The following RSRC1 variants were observed in gnomAD, a reference collection of about 807,000 sequenced individuals.
The protein encoded by RSRC1 is serine/Arginine-related protein 53.
In RSRC1, 39 loss-of-function variants were observed where a neutral mutation model predicts 49.1. That is an observed-to-expected ratio of 0.79 (90% confidence interval 0.61 to 1.04). The LOEUF (loss-of-function observed/expected upper bound fraction) is 1.04, where lower values mean the gene tolerates loss of function less well. Among genes scored for constraint, RSRC1 ranks in the 50% least tolerant of loss-of-function variants. RSRC1 has a pLI of 0.00. For synonymous variants in RSRC1, 143 were observed against 130.8 expected (o/e 1.09, Z -0.63); for missense variants, 388 against 402.4 (o/e 0.96, Z 0.31).
intron 3 of RSRC1, among the ~76,000 whole-genome samples, chr3:158,173,387 T>A (rs914789932): frequency 6.6e-6 from 1 of 151,998 alleles, no homozygotes; most frequent in African/African-American, 2.4e-5. Context: ...TGAAATATAT[T>A]TATTTTTAAT....
chr3:158,433,072 T>C (rs1560040741), intron 6 of RSRC1, among the ~76,000 whole-genome samples: 1 of 151,908 alleles, frequency 6.6e-6, no homozygotes, highest in Admixed American at 6.6e-5. Flanking sequence ...AGAAAAAAGA[T>C]CACTTAAAAA....
At chr3:158,516,099 G>A (rs911841293) in intron 7 of RSRC1, among the ~76,000 whole-genome samples, 36 of 152,328 alleles carry the variant, frequency 2.4e-4, no homozygotes, top group African/African-American at 7.2e-4. Context: ...CTCTCAGCTC[G>A]TCAAAGTCAT....
intron 3 of RSRC1, among the ~76,000 whole-genome samples, chr3:158,132,556 A>T (rs1443328705): frequency 6.6e-6 from 1 of 152,116 alleles, no homozygotes; most frequent in Admixed American, 6.5e-5. Flanking sequence ...AGTTTTTTGA[A>T]CTTAAAAATT....
At chr3:158,113,727 T>A (rs1185508863) in intron 1 of RSRC1, among the ~76,000 whole-genome samples, 1 of 152,224 alleles carries the variant, frequency 6.6e-6, no homozygotes, top group Non-Finnish European at 1.5e-5. Flanking sequence ...CATTGTAGTT[T>A]TGATTTGCAT....
intron 6 of RSRC1, among the ~76,000 whole-genome samples, chr3:158,455,979 CAAAAAAAAAAAAAAAAAAA>C (rs765828003): frequency 2.3e-4 from 13 of 56,514 alleles, no homozygotes; most frequent in African/African-American, 3.3e-4. Flanking sequence ...GACTCCATCT[CAAAAAAAAAAAAAAAAAAA>C]AAAAAAAAAA....
rs1367077687 is a variant in RSRC1 at position 158,539,334 on chromosome 3, T to A, written c.759+2136T>A. ...CTATTACCAGTGACATGCTAGACATTGTGTCTCCTGCAACACATATTGATT... is the reference window on the plus strand; with the variant it reads ...CTATTACCAGTGACATGCTAGACATAGTGTCTCCTGCAACACATATTGATT... On this transcript the variant is annotated intron_variant, in intron 8 of 9. Transcript: ENST00000611884. This position sits in a 1 kb window ranked among gnomAD's most constrained non-coding sequence, Gnocchi z 4.1. 6.6e-6 allele frequency among the ~76,000 whole-genome samples: 1 copy of A among 151,598 alleles called. No individual in the cohort carries two copies. The highest frequency in any genetic ancestry group is 1.9e-4 in the East Asian group (1 of 5,198).
intron 3 of RSRC1, among the ~76,000 whole-genome samples, chr3:158,195,205 T>G (rs541251104): frequency 1.3e-5 from 2 of 152,356 alleles, no homozygotes; most frequent in Admixed American, 1.3e-4. Context: ...GGGTGTGAGA[T>G]GATATCTCAT....
chr3:158,533,108 C>G (rs962501699), intron 7 of RSRC1, among the ~76,000 whole-genome samples: 1 of 151,712 alleles, frequency 6.6e-6, no homozygotes, highest in African/African-American at 2.4e-5. Context: ...TTTGTGGTCA[C>G]TGACATGAGA....
At chr3:158,311,752 A>G (rs920818425) in intron 5 of RSRC1, among the ~76,000 whole-genome samples, 1 of 152,120 alleles carries the variant, frequency 6.6e-6, no homozygotes, top group Admixed American at 6.6e-5. Context: ...AAGGTAATAG[A>G]TATGTTAATT....
At chr3:158,133,296 T>C (rs1578118137) in intron 3 of RSRC1, among the ~76,000 whole-genome samples, 1 of 152,192 alleles carries the variant, frequency 6.6e-6, no homozygotes, top group East Asian at 1.9e-4. Context: ...TATTGATCTT[T>C]ATTTTGTCTT....
At chr3:158,251,832 G>A in intron 4 of RSRC1, among the ~76,000 whole-genome samples, 1 of 152,082 alleles carries the variant, frequency 6.6e-6, no homozygotes, top group Admixed American at 6.6e-5. Flanking sequence ...GATTGCTCTA[G>A]CTAAGACTTC....
intron 6 of RSRC1, among the ~76,000 whole-genome samples, chr3:158,395,279 T>A (rs1733543052): frequency 6.6e-6 from 1 of 152,022 alleles, no homozygotes. Flanking sequence ...GGGCAAAGAT[T>A]TCACGACGAA....
intron 4 of RSRC1, among the ~76,000 whole-genome samples, chr3:158,285,255 C>T (rs1480131234): frequency 6.6e-6 from 1 of 152,120 alleles, no homozygotes; most frequent in Admixed American, 6.6e-5. Flanking sequence ...TGATCTATAT[C>T]TCTGTTTTGG....
chr3:158,297,955 G>A, intron 4 of RSRC1, 84 bp from the exon 5 acceptor site: 3 of 953,876 alleles, frequency 3.1e-6, no homozygotes, highest in South Asian at 2.8e-5. Context: ...AAATTACAAG[G>A]GTTTATAAAA....
intron 3 of RSRC1, among the ~76,000 whole-genome samples, chr3:158,147,223 T>C (rs562101041): frequency 6.7e-6 from 1 of 149,776 alleles, no homozygotes; most frequent in South Asian, 2.2e-4. Flanking sequence ...AATTTTCTTA[T>C]ATCACATAAT....
intron 7 of RSRC1, among the ~76,000 whole-genome samples, chr3:158,513,918 A>ATT (rs1740346243): frequency 6.6e-6 from 1 of 152,162 alleles, no homozygotes; most frequent in South Asian, 2.1e-4. Context: ...AGGTGTTGGC[A>ATT]GTATTCTCTG....
chr3:158,403,225 T>C (rs1021408337), intron 6 of RSRC1, among the ~76,000 whole-genome samples: 1 of 151,874 alleles, frequency 6.6e-6, no homozygotes, highest in African/African-American at 2.4e-5. Context: ...ACTATTTAGA[T>C]AGCTGGCAAT....
At chr3:158,355,537 A>G (rs1004138593) in intron 6 of RSRC1, among the ~76,000 whole-genome samples, 48 of 152,032 alleles carry the variant, frequency 3.2e-4, no homozygotes, top group Admixed American at 7.9e-4. Context: ...ACTGGACTGT[A>G]TGTTCTGGAT....
intron 4 of RSRC1, among the ~76,000 whole-genome samples, chr3:158,260,182 CG>C (rs1246691339): frequency 2.0e-5 from 3 of 152,040 alleles, no homozygotes; most frequent in African/African-American, 7.2e-5. Flanking sequence ...TTGGAATGTG[CG>C]GGGTTACACC....
Sources: allele counts gnomAD v4.1 joint callset (sites outside exome capture counted in the v4.1 genomes callset), GRCh38; gene constraint gnomAD v4.1.1; non-coding constraint Gnocchi (gnomAD v3.1); transcripts MANE v1.5; gene names NCBI Gene and HGNC (gene_info 2026-07-23, HGNC 2026-07-21).